The following MANBA variants were observed in gnomAD, a reference collection of about 807,000 sequenced individuals.
The protein encoded by MANBA is mannosidase beta.
A neutral mutation model predicts 111.1 loss-of-function variants in MANBA; 83 were observed. That is an observed-to-expected ratio of 0.75 (90% confidence interval 0.63 to 0.90). The LOEUF is 0.90. Among genes scored for constraint, MANBA ranks in the 40% least tolerant of loss-of-function variants. MANBA has a pLI of 0.00. For synonymous variants in MANBA, 370 were observed against 378.7 expected (o/e 0.98, Z 0.27); for missense variants, 1,036 against 1,069.0 (o/e 0.97, Z 0.43).
intron 1 of MANBA, among the ~76,000 whole-genome samples, chr4:102,737,667 A>G (rs2110203577): frequency 6.6e-6 from 1 of 152,194 alleles, no homozygotes; most frequent in East Asian, 1.9e-4. Flanking sequence ...TATTTTTAGT[A>G]GAGACAGGGT....
chr4:102,669,198 A>G (rs1199575020), intron 9 of MANBA, 149 bp from the exon 10 acceptor site: 1 of 696,738 alleles, frequency 1.4e-6, no homozygotes, highest in Non-Finnish European at 2.6e-6. Context: ...GCCATTATGC[A>G]TAATTTGATA....
chr4:102,671,113 G>C (rs1731475591), intron 9 of MANBA, 168 bp downstream of exon 9: 2 of 564,520 alleles, frequency 3.5e-6, no homozygotes, highest in African/African-American at 4.0e-5. Context: ...AATTATGGTA[G>C]TTGATCACCT....
rs551081739 is a variant in MANBA, at chr4:102,757,538, C to G, written c.177+3180G>C. The stretch of plus-strand genomic sequence containing the variant: ...TCCTGGTATTTTCCTGCACCTCCCC[C>G]TTCTGTCTCCCAATCCATTAACAAA... On this transcript the variant is annotated intron_variant, in intron 1 of 16. Coordinates refer to ENST00000647097, the MANE Select transcript of MANBA (RefSeq NM_005908.4). Among the ~76,000 whole-genome samples, 10 of 152,316 alleles carry G rather than the reference C, an allele frequency of 6.6e-5. No individual in the cohort carries two copies. In the East Asian group the frequency reaches 1.9e-3, roughly 29 times the overall value.
chr4:102,758,270 G>A (rs951303727), intron 1 of MANBA, among the ~76,000 whole-genome samples: 3 of 151,970 alleles, frequency 2.0e-5, no homozygotes, highest in Admixed American at 2.0e-4. Context: ...TTTACCACTC[G>A]ATTTCAAGTA....
intron 1 of MANBA, among the ~76,000 whole-genome samples, chr4:102,758,780 C>T (rs1724122341): frequency 6.6e-6 from 1 of 152,044 alleles, no homozygotes; most frequent in Admixed American, 6.6e-5. Flanking sequence ...CTACCTCTGC[C>T]TCCCAAGTGC....
At chr4:102,670,356 A>C (rs890336652) in intron 9 of MANBA, among the ~76,000 whole-genome samples, 1 of 152,222 alleles carries the variant, frequency 6.6e-6, no homozygotes, top group Non-Finnish European at 1.5e-5. Context: ...TAGAGCACTT[A>C]GAACAATGCC....
Position 102,678,900 on chromosome 4 carries a change from T to A in MANBA, c.961-4830A>T, listed in dbSNP as rs1276671708. ...ATTGATTCACAAACCCAAGGCTGCTTCTCAGCTGTTTGTATCAGATACTTA... is the reference window on the plus strand; with the variant it reads ...ATTGATTCACAAACCCAAGGCTGCTACTCAGCTGTTTGTATCAGATACTTA... On this transcript the variant is annotated intron_variant, in intron 7 of 16. Coordinates refer to ENST00000647097, the MANE Select transcript of MANBA (RefSeq NM_005908.4). Among the ~76,000 whole-genome samples, 3 of 152,240 alleles carry A rather than the reference T, an allele frequency of 2.0e-5. 1 individual carries two copies. Among genetic ancestry groups the A allele is most frequent in the Non-Finnish European group, 4.4e-5 (3 of 68,036 alleles).
At chr4:102,731,188 A>G (rs1364501313) in intron 1 of MANBA, among the ~76,000 whole-genome samples, 1 of 151,868 alleles carries the variant, frequency 6.6e-6, no homozygotes, top group Admixed American at 6.6e-5. Flanking sequence ...AAAGAATTAA[A>G]AAAAAAAAAA....
At chr4:102,679,364 A>G (rs1731863108) in intron 7 of MANBA, among the ~76,000 whole-genome samples, 1 of 152,188 alleles carries the variant, frequency 6.6e-6, no homozygotes, top group Admixed American at 6.5e-5. Flanking sequence ...AAGTAATGAA[A>G]TGAAATGAAT....
At chr4:102,695,707 C>T (rs527756956) in intron 5 of MANBA, among the ~76,000 whole-genome samples, 3 of 152,242 alleles carry the variant, frequency 2.0e-5, no homozygotes, top group Admixed American at 6.5e-5. Context: ...CTGGTGCTCT[C>T]GACTTTCCAT....
chr4:102,668,838 C>A, intron 10 of MANBA, 125 bp downstream of exon 10: 2 of 757,590 alleles, frequency 2.6e-6, no homozygotes, highest in South Asian at 1.5e-5. Context: ...ATGTCAATTA[C>A]CTGGCTGTGT....
intron 13 of MANBA, 139 bp downstream of exon 13, chr4:102,650,398 T>C (rs1730277455): frequency 3.4e-6 from 3 of 880,222 alleles, no homozygotes; most frequent in South Asian, 3.1e-5. Flanking sequence ...TCATCATATA[T>C]GTTCTTTGAA....
chr4:102,712,685 A>ATTTTTGTATTTTTTGTAT, intron 5 of MANBA, among the ~76,000 whole-genome samples: 1 of 151,986 alleles, frequency 6.6e-6, no homozygotes, highest in East Asian at 1.9e-4. Flanking sequence ...GGCCTGGCTA[A>ATTTTTGTATTTTTTGTAT]TTTTTGTATT....
intron 1 of MANBA, among the ~76,000 whole-genome samples, chr4:102,735,142 C>A (rs889873384): frequency 1.3e-5 from 2 of 152,170 alleles, no homozygotes; most frequent in African/African-American, 4.8e-5. Context: ...CTAGCTGCGA[C>A]AGCCAGGCCC....
At chr4:102,742,808 T>C (rs1204636761) in intron 1 of MANBA, among the ~76,000 whole-genome samples, 2 of 152,228 alleles carry the variant, frequency 1.3e-5, no homozygotes, top group Non-Finnish European at 1.5e-5. Context: ...CTTTCCACGA[T>C]AGAAGCAGTT....
intron 8 of MANBA, chr4:102,671,812 G>A (rs1179430286): frequency 4.8e-6 from 2 of 416,486 alleles, no homozygotes; most frequent in Non-Finnish European, 8.4e-6. Context: ...CTCCAGCCCA[G>A]TATTTCTTTC....
Position 102,722,890 on chromosome 4 carries a change from T to G in MANBA, c.530A>C (p.His177Pro), listed in dbSNP as rs750914797. 6.2e-7 allele frequency: 1 copy of G among 1,614,172 alleles called. No homozygotes were observed. The highest frequency in any genetic ancestry group is 8.5e-7 in the Non-Finnish European group (1 of 1,180,008). ...CPPLVQKGEC[H>P]VNFVRKEQCS... ...CATTACCTTCCGAACAAAGTTGACA[T>G]GGCATTCACCCTTCTGCACAAGTGG... Residue 177 changes from histidine to proline, a missense_variant, in exon 4 of 17, where the codon CAT (histidine) becomes CCT (proline). Transcript: ENST00000647097.
At chr4:102,750,989 C>T (rs1031551110) in intron 1 of MANBA, among the ~76,000 whole-genome samples, 3 of 152,024 alleles carry the variant, frequency 2.0e-5, no homozygotes, top group Non-Finnish European at 4.4e-5. Context: ...AAATTAGCCA[C>T]GAATTGATCA....
intron 7 of MANBA, among the ~76,000 whole-genome samples, chr4:102,674,488 A>G (rs185464279): frequency 1.3e-5 from 2 of 152,372 alleles, no homozygotes. Context: ...CTTAGAATCA[A>G]ATGTTATAAC....
Sources: allele counts gnomAD v4.1 joint callset (sites outside exome capture counted in the v4.1 genomes callset), GRCh38; gene constraint gnomAD v4.1.1; transcripts MANE v1.5; gene names NCBI Gene and HGNC (gene_info 2026-07-23, HGNC 2026-07-21).